Variants in NDUFAF2 observed in about 807,000 individuals in gnomAD.
NDUFAF2 encodes NADH dehydrogenase [ubiquinone] 1 alpha subcomplex assembly factor 2.
A neutral mutation model predicts 22.8 loss-of-function variants in NDUFAF2; 13 were observed. The ratio of observed to expected loss-of-function variants is 0.57; its 90% CI spans 0.37 to 0.91. NDUFAF2 has a LOEUF of 0.91. NDUFAF2 is among the 40% of genes least tolerant of loss of function. NDUFAF2 has a pLI of 0.01. For synonymous variants in NDUFAF2, 53 were observed against 64.2 expected (o/e 0.83, Z 0.84); for missense variants, 162 against 195.2 (o/e 0.83, Z 1.01).
At chr5:61,100,209 G>A (rs1384575623) in intron 3 of NDUFAF2, among the ~76,000 whole-genome samples, 1 of 152,112 alleles carries the variant, frequency 6.6e-6, no homozygotes, top group Non-Finnish European at 1.5e-5. Context: ...AGAGCCTTCT[G>A]ATTCTCCTTC....
intron 1 of NDUFAF2, among the ~76,000 whole-genome samples, chr5:60,956,786 T>C (rs1164813597): frequency 1.3e-5 from 2 of 152,202 alleles, no homozygotes; most frequent in Non-Finnish European, 2.9e-5. Flanking sequence ...TGTATTTCTG[T>C]GTGAGTATAT....
At chr5:61,038,088 AAGAGAGAGAG>A (rs138511749) in intron 1 of NDUFAF2, among the ~76,000 whole-genome samples, 5 of 77,782 alleles carry the variant, frequency 6.4e-5, no homozygotes, top group South Asian at 6.7e-4. Flanking sequence ...GAGGCGGGGG[AAGAGAGAGAG>A]AGAGAGAGAG....
At chr5:60,969,892 A>AT (rs1278312908) in intron 1 of NDUFAF2, among the ~76,000 whole-genome samples, 1 of 151,916 alleles carries the variant, frequency 6.6e-6, no homozygotes, top group Non-Finnish European at 1.5e-5. Flanking sequence ...TTTTGATTTG[A>AT]TTTTTGTATA....
intron 1 of NDUFAF2, among the ~76,000 whole-genome samples, chr5:61,045,413 G>C (rs1473593671): frequency 6.6e-6 from 1 of 150,450 alleles, no homozygotes; most frequent in Non-Finnish European, 1.5e-5. Flanking sequence ...TTGCTGCCTT[G>C]ATTAAATTTA....
chr5:61,112,959 A>G (rs1752864433), intron 3 of NDUFAF2, among the ~76,000 whole-genome samples: 1 of 147,516 alleles, frequency 6.8e-6, no homozygotes, highest in African/African-American at 2.5e-5. Flanking sequence ...ATACTGTCTT[A>G]TAACCCATTA....
intron 2 of NDUFAF2, among the ~76,000 whole-genome samples, chr5:61,092,072 C>G (rs1466623377): frequency 6.6e-6 from 1 of 152,112 alleles, no homozygotes; most frequent in Non-Finnish European, 1.5e-5. Context: ...TGTATCAGTA[C>G]CATGCTGTTT....
At chr5:61,031,497 A>G (rs2112609808) in intron 1 of NDUFAF2, among the ~76,000 whole-genome samples, 1 of 150,654 alleles carries the variant, frequency 6.6e-6, no homozygotes, top group East Asian at 2.1e-4. Flanking sequence ...ATGCTTTTTT[A>G]TGGCTGCATA....
intron 1 of NDUFAF2, among the ~76,000 whole-genome samples, chr5:60,947,806 A>C (rs1410972783): frequency 4.0e-5 from 6 of 151,868 alleles, no homozygotes; most frequent in Non-Finnish European, 8.8e-5. Flanking sequence ...ACAACAAACA[A>C]ATATATTTAT....
At chr5:60,982,335 T>C (rs897531834) in intron 1 of NDUFAF2, among the ~76,000 whole-genome samples, 3 of 152,080 alleles carry the variant, frequency 2.0e-5, no homozygotes, top group Non-Finnish European at 4.4e-5. Context: ...ATATCTTACA[T>C]GGATGGCAGC....
At chr5:60,957,454 A>G (rs372121497) in intron 1 of NDUFAF2, among the ~76,000 whole-genome samples, 15 of 151,984 alleles carry the variant, frequency 9.9e-5, no homozygotes, top group African/African-American at 3.6e-4. Context: ...TTTCTTGGTT[A>G]TCGTATAATG....
At chr5:61,055,540 A>G (rs75976333) in intron 1 of NDUFAF2, among the ~76,000 whole-genome samples, 2,199 of 152,352 alleles carry the variant, frequency 0.014, 67 homozygotes, top group African/African-American at 0.05. Context: ...ATTATGCATT[A>G]TCTTTCTAAA....
intron 1 of NDUFAF2, among the ~76,000 whole-genome samples, chr5:61,037,250 A>T (rs1455068079): frequency 1.3e-5 from 2 of 152,194 alleles, no homozygotes; most frequent in African/African-American, 4.8e-5. Flanking sequence ...TCATATGCAC[A>T]CAAATTGTTA....
At chr5:61,089,915 T>A (rs1752546715) in intron 2 of NDUFAF2, among the ~76,000 whole-genome samples, 1 of 151,370 alleles carries the variant, frequency 6.6e-6, no homozygotes, top group Non-Finnish European at 1.5e-5. Flanking sequence ...ATTGAAGTAT[T>A]TTTTTTTTCA....
At chr5:61,031,811 A>G (rs1246136605) in intron 1 of NDUFAF2, among the ~76,000 whole-genome samples, 2 of 152,222 alleles carry the variant, frequency 1.3e-5, no homozygotes, top group Non-Finnish European at 2.9e-5. Flanking sequence ...ACTGTCTTCC[A>G]CAATGGTTGA....
At chr5:61,129,342 T>G (rs1753078409) in intron 3 of NDUFAF2, among the ~76,000 whole-genome samples, 1 of 152,084 alleles carries the variant, frequency 6.6e-6, no homozygotes, top group Admixed American at 6.6e-5. Context: ...CACATGGACA[T>G]GTATGTTTAT....
chr5:60,947,595 A>G (rs992348612), intron 1 of NDUFAF2, among the ~76,000 whole-genome samples: 2 of 151,864 alleles, frequency 1.3e-5, no homozygotes, highest in African/African-American at 4.8e-5. Flanking sequence ...GTGAAACCCC[A>G]TCTCTACTAA....
At chr5:60,978,381 C>T (rs565152403) in intron 1 of NDUFAF2, among the ~76,000 whole-genome samples, 1 of 152,254 alleles carries the variant, frequency 6.6e-6, no homozygotes, top group South Asian at 2.1e-4. Flanking sequence ...AGAGGTTTAA[C>T]TGGCTCACGG....
chr5:61,074,155 G>A (rs76125173), intron 2 of NDUFAF2, among the ~76,000 whole-genome samples: 4,985 of 152,252 alleles, frequency 0.033, 302 homozygotes, highest in African/African-American at 0.11. Flanking sequence ...TAATCAATAT[G>A]TATTGAATAC....
intron 3 of NDUFAF2, among the ~76,000 whole-genome samples, chr5:61,105,026 G>T (rs1238622021): frequency 6.6e-6 from 1 of 151,942 alleles, no homozygotes; most frequent in East Asian, 1.9e-4. Flanking sequence ...CCCATGGACA[G>T]TGTTTTTATG....
Sources: allele counts gnomAD v4.1 joint callset (sites outside exome capture counted in the v4.1 genomes callset), GRCh38; gene constraint gnomAD v4.1.1; transcripts MANE v1.5; gene names NCBI Gene and HGNC (gene_info 2026-07-23, HGNC 2026-07-21).